The following IL1RAPL1 variants were observed in gnomAD, a reference collection of about 807,000 sequenced individuals.
IL1RAPL1 encodes the protein interleukin-1 receptor accessory protein-like 1.
IL1RAPL1 carries 3 observed loss-of-function variants against 48.4 expected under a neutral mutation model. That is an observed-to-expected ratio of 0.06 (90% CI 0.03 to 0.16). IL1RAPL1 has a LOEUF of 0.16. IL1RAPL1 is among the 10% of genes least tolerant of loss of function. IL1RAPL1 has a pLI of 1.00. For synonymous variants in IL1RAPL1, 185 were observed against 187.7 expected (o/e 0.99, Z 0.12); for missense variants, 349 against 530.6 (o/e 0.66, Z 3.36).
chrX:29,080,982 T>C (rs868643867), intron 2 of IL1RAPL1, among the ~76,000 whole-genome samples: 31 of 43,358 alleles, frequency 7.1e-4, no homozygotes, highest in African/African-American at 2.4e-3. Flanking sequence ...CTTTCTTTCT[T>C]TCTTTCTTTC....
At chrX:29,334,720 C>T (rs1390130879) in intron 3 of IL1RAPL1, among the ~76,000 whole-genome samples, 23 of 112,272 alleles carry the variant, frequency 2.0e-4, no homozygotes, top group African/African-American at 6.1e-4. Context: ...AGACGATGGG[C>T]GGCCGGGCAG....
At chrX:29,144,360 T>C (rs914561451) in intron 2 of IL1RAPL1, among the ~76,000 whole-genome samples, 1 of 110,003 alleles carries the variant, frequency 9.1e-6, no homozygotes, top group Non-Finnish European at 1.9e-5. Context: ...CCCAGCACTT[T>C]GGGAGGCCGA....
chrX:28,701,730 G>A (rs1299981950), intron 1 of IL1RAPL1, among the ~76,000 whole-genome samples: 1 of 111,185 alleles, frequency 9.0e-6, no homozygotes, highest in Non-Finnish European at 1.9e-5. Flanking sequence ...CCTCCTTACG[G>A]CTTTATCTGT....
chrX:29,573,165 A>G (rs1221452940), intron 5 of IL1RAPL1, among the ~76,000 whole-genome samples: 2 of 111,945 alleles, frequency 1.8e-5, no homozygotes, highest in African/African-American at 6.5e-5. Flanking sequence ...AAGGGCATTA[A>G]TCCCATTCAG....
intron 2 of IL1RAPL1, among the ~76,000 whole-genome samples, chrX:28,954,924 A>C (rs1281324200): frequency 8.9e-6 from 1 of 111,967 alleles, no homozygotes; most frequent in Admixed American, 9.5e-5. Context: ...ATTTACCTGA[A>C]GATATATGCC....
intron 5 of IL1RAPL1, among the ~76,000 whole-genome samples, chrX:29,638,050 C>T (rs1353040534): frequency 9.0e-6 from 1 of 111,612 alleles, no homozygotes; most frequent in African/African-American, 3.3e-5. Context: ...ATTGGAGATA[C>T]ACCAGACAAT....
At chrX:29,515,303 T>A in intron 5 of IL1RAPL1, among the ~76,000 whole-genome samples, 2 of 112,520 alleles carry the variant, frequency 1.8e-5, no homozygotes, top group Admixed American at 1.9e-4. Flanking sequence ...ATCTTGATAG[T>A]ACAATATCAA....
At chrX:29,569,784 A>G (rs1359790314) in intron 5 of IL1RAPL1, among the ~76,000 whole-genome samples, 1 of 112,329 alleles carries the variant, frequency 8.9e-6, no homozygotes, top group African/African-American at 3.2e-5. Flanking sequence ...TTAAGATTTG[A>G]TTATTAAGCT....
intron 1 of IL1RAPL1, among the ~76,000 whole-genome samples, chrX:28,749,335 T>G (rs745379962): frequency 9.0e-6 from 1 of 111,688 alleles, no homozygotes; most frequent in Non-Finnish European, 1.9e-5. Flanking sequence ...TCATGAACCT[T>G]CATACTGTTT....
intron 6 of IL1RAPL1, among the ~76,000 whole-genome samples, chrX:29,850,808 T>A (rs1046355111): frequency 8.9e-6 from 1 of 112,252 alleles, no homozygotes; most frequent in African/African-American, 3.2e-5. Context: ...CTAAACGCAG[T>A]CTAAGATTAT....
At chrX:29,944,315 C>T (rs1482747360) in intron 9 of IL1RAPL1, among the ~76,000 whole-genome samples, 4 of 111,433 alleles carry the variant, frequency 3.6e-5, no homozygotes, top group Admixed American at 1.9e-4. Flanking sequence ...AAAGCAGACC[C>T]GTTCCTGCTG....
At chrX:29,723,907 T>C (rs746863134) in intron 6 of IL1RAPL1, among the ~76,000 whole-genome samples, 9 of 111,038 alleles carry the variant, frequency 8.1e-5, no homozygotes, top group Non-Finnish European at 1.5e-4. Context: ...CTCCAGCTCC[T>C]GGGTTCAAAT....
At chrX:29,749,413 T>A (rs1428125613) in intron 6 of IL1RAPL1, among the ~76,000 whole-genome samples, 1 of 112,358 alleles carries the variant, frequency 8.9e-6, no homozygotes, top group African/African-American at 3.2e-5. Context: ...TAATGATTGG[T>A]CTAAATGTAT....
intron 5 of IL1RAPL1, among the ~76,000 whole-genome samples, chrX:29,535,797 A>G (rs1267490201): frequency 1.8e-5 from 2 of 112,475 alleles, no homozygotes; most frequent in Non-Finnish European, 3.8e-5. Context: ...GGGGGAATTG[A>G]CATTAGAAAC....
At chrX:29,003,219 G>A (rs1925899280) in intron 2 of IL1RAPL1, among the ~76,000 whole-genome samples, 1 of 111,444 alleles carries the variant, frequency 9.0e-6, no homozygotes, top group African/African-American at 3.3e-5. Context: ...CTGCAAGTGG[G>A]TATGTGATGG....
chrX:29,471,332 G>A (rs1388552894), intron 5 of IL1RAPL1, among the ~76,000 whole-genome samples: 1 of 111,667 alleles, frequency 9.0e-6, no homozygotes, highest in Non-Finnish European at 1.9e-5. Flanking sequence ...AGAGGAAAAA[G>A]TCAATTAGGC....
chrX:29,431,118 G>T (rs896749510), intron 5 of IL1RAPL1, among the ~76,000 whole-genome samples: 4 of 111,485 alleles, frequency 3.6e-5, no homozygotes, highest in Non-Finnish European at 7.5e-5. Flanking sequence ...CTGCCTTCAA[G>T]ATTACATAGG....
chrX:29,328,422 A>G (rs1200082683), intron 3 of IL1RAPL1, among the ~76,000 whole-genome samples: 1 of 111,069 alleles, frequency 9.0e-6, no homozygotes, highest in Non-Finnish European at 1.9e-5. Context: ...CACTGTACCA[A>G]TTAAAATAAA....
chrX:29,948,762 G>C (rs1325254478), intron 9 of IL1RAPL1, among the ~76,000 whole-genome samples: 3 of 108,155 alleles, frequency 2.8e-5, no homozygotes, highest in African/African-American at 1.0e-4. Context: ...TTTCATTTTA[G>C]GAATCCATTT....
Sources: gnomAD v4.1 joint callset for allele counts (sites outside exome capture counted in the v4.1 genomes callset) on GRCh38, gnomAD v4.1.1 for gene constraint, MANE v1.5 for transcripts, NCBI Gene and HGNC (gene_info 2026-07-23, HGNC 2026-07-21) for gene names.